RNF14: variants seen among roughly 807,000 people sequenced by gnomAD.
RNF14 encodes the protein E3 ubiquitin-protein ligase RNF14.
In RNF14, 26 loss-of-function variants were observed where a neutral mutation model predicts 52.6. The observed-to-expected ratio is 0.49, with a 90% confidence interval of 0.36 to 0.69. The LOEUF is 0.69. RNF14 is among the 30% of genes least tolerant of loss of function. The probability of loss-of-function intolerance (pLI) is 0.00; values close to 1 mark genes in which losing one functional copy is unlikely to be tolerated. For synonymous variants in RNF14, 194 were observed against 202.0 expected (o/e 0.96, Z 0.34); for missense variants, 404 against 560.4 (o/e 0.72, Z 2.82).
At chr5:141,964,392 G>A (rs372216586), upstream of RNF14, among the ~76,000 whole-genome samples, 5 of 152,276 alleles carry the variant, frequency 3.3e-5, no homozygotes, top group East Asian at 3.9e-4. Context: ...TCTGTGTGAC[G>A]ATGGCAAGTC....
upstream of RNF14, chr5:141,956,157 C>A: frequency 6.2e-7 from 1 of 1,614,164 alleles, no homozygotes; most frequent in Non-Finnish European, 8.5e-7. Flanking sequence ...CAGGCTGGAC[C>A]ACCTCTGGGG....
At chr5:141,967,342 G>A (rs1753377713), upstream of RNF14, among the ~76,000 whole-genome samples, 1 of 152,156 alleles carries the variant, frequency 6.6e-6, no homozygotes, top group Admixed American at 6.5e-5. Context: ...TTTTCCATAA[G>A]TTATTGGGGT....
At chr5:141,955,784 G>T, upstream of RNF14, 1 of 1,613,904 alleles carries the variant, frequency 6.2e-7, no homozygotes, top group Non-Finnish European at 8.5e-7. The surrounding 1 kb of genome is among the most constrained non-coding windows in gnomAD (Gnocchi z 5.5). Flanking sequence ...ACCCTCAACA[G>T]GGCTCGGGTC....
upstream of RNF14, among the ~76,000 whole-genome samples, chr5:141,967,831 T>A (rs1277524698): frequency 6.6e-6 from 1 of 152,248 alleles, no homozygotes; most frequent in Non-Finnish European, 1.5e-5. Context: ...AAAAATTTTT[T>A]AATTAAGACA....
upstream of RNF14, among the ~76,000 whole-genome samples, chr5:141,967,840 C>T (rs1340932818): frequency 6.6e-6 from 1 of 152,204 alleles, no homozygotes. Context: ...TTAATTAAGA[C>T]ATAATTCACA....
intron 8 of RNF14, 28 bp from the exon 9 acceptor site, chr5:141,987,704 TA>T: frequency 6.2e-7 from 1 of 1,612,230 alleles, no homozygotes; most frequent in Non-Finnish European, 8.5e-7. Context: ...TTCAAGTGTA[TA>T]AAAATGTACC....
intron 2 of RNF14, among the ~76,000 whole-genome samples, 171 bp downstream of exon 2, chr5:141,971,048 T>C (rs945628183): frequency 6.6e-6 from 1 of 152,260 alleles, no homozygotes; most frequent in Admixed American, 6.5e-5. Flanking sequence ...TTTTTACTTA[T>C]GTACATTTTA....
chr5:141,955,855 A>G, upstream of RNF14: 1 of 1,614,034 alleles, frequency 6.2e-7, no homozygotes, highest in Non-Finnish European at 8.5e-7. This position sits in a 1 kb window ranked among gnomAD's most constrained non-coding sequence, Gnocchi z 5.5. Context: ...ACTCCCAATG[A>G]GGCTGCTGGC....
chr5:141,956,465 T>C (rs1561536578), upstream of RNF14: 2 of 1,614,222 alleles, frequency 1.2e-6, no homozygotes, highest in Non-Finnish European at 1.7e-6. Flanking sequence ...TCATACCTGC[T>C]TTTCTCAAAC....
chr5:141,990,084 T>C lies in RNF14; in HGVS notation c.*2294T>C, dbSNP rs1755508099. On this transcript the variant is annotated 3_prime_UTR_variant, in exon 9 of 9. Transcript: ENST00000394520. ...TAGGTACAAAGTCTTCATCACTCAA[T>C]TTTAACAAAGAAAATAGGGCTTATA... The C allele has an allele frequency of 1.3e-5, 2 of 152,212 alleles. No individual in the cohort carries two copies. Among genetic ancestry groups the C allele is most frequent in the Non-Finnish European group, 1.5e-5 (1 of 68,032 alleles). The allele number at this position is 152,212 out of a possible 1,614,324, so 9.4% of individuals were successfully genotyped here.
chr5:141,949,607 A>C, the RNF14 span: 2 of 1,610,254 alleles, frequency 1.2e-6, no homozygotes, highest in East Asian at 2.2e-5. Flanking sequence ...CAACCAGTCC[A>C]TGGGTAGGGA....
At chr5:141,960,001 C>G (rs1753246257) in intron 1 of RNF14, among the ~76,000 whole-genome samples, 1 of 152,244 alleles carries the variant, frequency 6.6e-6, no homozygotes. Context: ...TTTTATGCCT[C>G]ATACGCAAAT....
chr5:141,969,712 C>T (rs766434086), intron 1 of RNF14: 4 of 152,274 alleles, frequency 2.6e-5, no homozygotes, highest in African/African-American at 9.6e-5. Flanking sequence ...GTTCTTAGCC[C>T]TGGCTGCATA....
At chr5:141,950,535 C>G in the RNF14 span, among the ~76,000 whole-genome samples, 3 of 152,134 alleles carry the variant, frequency 2.0e-5, no homozygotes, top group Non-Finnish European at 4.4e-5. Context: ...ACCCATTGTA[C>G]AAATGAGAAA....
upstream of RNF14, among the ~76,000 whole-genome samples, chr5:141,965,221 A>G (rs745993287): frequency 1.3e-5 from 2 of 152,212 alleles, no homozygotes; most frequent in Non-Finnish European, 2.9e-5. Flanking sequence ...TGAGTTCAGC[A>G]AAGTTTCGGG....
At chr5:141,981,921 T>C (rs887185554) in intron 6 of RNF14, among the ~76,000 whole-genome samples, 1 of 152,058 alleles carries the variant, frequency 6.6e-6, no homozygotes, top group Non-Finnish European at 1.5e-5. Context: ...TATTACTTGC[T>C]AATGTTAGCA....
At chr5:141,956,305 T>A, upstream of RNF14, 5 of 1,614,118 alleles carry the variant, frequency 3.1e-6, no homozygotes, top group Non-Finnish European at 4.2e-6. Flanking sequence ...AGCAGTGACC[T>A]CTCCTGTGTT....
upstream of RNF14, among the ~76,000 whole-genome samples, chr5:141,963,659 T>C (rs1753292828): frequency 6.6e-6 from 1 of 152,236 alleles, no homozygotes; most frequent in African/African-American, 2.4e-5. Flanking sequence ...GAATTTAGCA[T>C]GTTCCTCTCT....
upstream of RNF14, chr5:141,957,726 A>G (rs1285365867): frequency 5.6e-6 from 9 of 1,613,926 alleles, no homozygotes; most frequent in African/African-American, 1.3e-5. This position sits in a 1 kb window ranked among gnomAD's most constrained non-coding sequence, Gnocchi z 4.3. Context: ...TCACTGTACC[A>G]GATGGCACTT....
Sources: allele counts gnomAD v4.1 joint callset (sites outside exome capture counted in the v4.1 genomes callset), GRCh38; gene constraint gnomAD v4.1.1; non-coding constraint Gnocchi (gnomAD v3.1); transcripts MANE v1.5; gene names NCBI Gene and HGNC (gene_info 2026-07-23, HGNC 2026-07-21).